The following PRSS12 variants were observed in gnomAD, a reference collection of about 807,000 sequenced individuals.
PRSS12 encodes the protein neurotrypsin.
A neutral mutation model predicts 104.4 loss-of-function variants in PRSS12; 85 were observed. The observed-to-expected ratio is 0.81, with a 90% confidence interval of 0.68 to 0.98. The LOEUF is 0.98. PRSS12 is among the 50% of genes least tolerant of loss of function. PRSS12 has a pLI of 0.00. For synonymous variants in PRSS12, 454 were observed against 425.2 expected (o/e 1.07, Z -0.83); for missense variants, 1,141 against 1,139.2 (o/e 1.00, Z -0.02).
At chr4:118,286,782 C>A (rs563868859) in intron 11 of PRSS12, among the ~76,000 whole-genome samples, 5 of 152,222 alleles carry the variant, frequency 3.3e-5, no homozygotes, top group African/African-American at 4.8e-5. Flanking sequence ...CCTATAAAAA[C>A]CCCATGAAAA....
At chr4:118,282,724 C>A in intron 12 of PRSS12, 107 bp downstream of exon 12, 1 of 1,511,994 alleles carries the variant, frequency 6.6e-7, no homozygotes, top group Non-Finnish European at 9.1e-7. Context: ...CAAAATTTCT[C>A]CAAATAAGTC....
At chr4:118,288,387 T>C (rs1233578255) in intron 11 of PRSS12, among the ~76,000 whole-genome samples, 2 of 152,228 alleles carry the variant, frequency 1.3e-5, no homozygotes, top group Admixed American at 6.5e-5. Context: ...CCATATACTA[T>C]GTCATGATGA....
Position 118,282,821 on chromosome 4 carries a change from T to A in PRSS12, c.2320+10A>T. On this transcript the variant is annotated intron_variant, in intron 12 of 12. Transcript: ENST00000296498. Reference sequence around the variant, plus strand: ...AAAAAGGTGCCCTGCTTTTTTTGATTATGCCTTACCTGTGTCACCCCATCC... The same window carrying A: ...AAAAAGGTGCCCTGCTTTTTTTGATAATGCCTTACCTGTGTCACCCCATCC... 1 of 1,614,102 alleles carries A rather than the reference T, an allele frequency of 6.2e-7. No homozygotes were observed. The highest frequency in any genetic ancestry group is 8.5e-7 in the Non-Finnish European group (1 of 1,180,018).
intron 11 of PRSS12, among the ~76,000 whole-genome samples, chr4:118,285,894 T>C (rs1272905085): frequency 6.6e-6 from 1 of 152,200 alleles, no homozygotes; most frequent in Non-Finnish European, 1.5e-5. Flanking sequence ...AAGAAACAGC[T>C]GTGACGCTTG....
intron 4 of PRSS12, among the ~76,000 whole-genome samples, chr4:118,323,845 T>C (rs1723696175): frequency 6.6e-6 from 1 of 151,632 alleles, no homozygotes; most frequent in Non-Finnish European, 1.5e-5. Flanking sequence ...GCACACACAT[T>C]TCAGTTACAG....
chr4:118,342,782 C>T (rs1470462665), intron 1 of PRSS12, among the ~76,000 whole-genome samples: 5 of 152,152 alleles, frequency 3.3e-5, no homozygotes, highest in Non-Finnish European at 7.3e-5. Context: ...GTTCAGAATT[C>T]TACTATCTTA....
chr4:118,309,319 A>G (rs113819058), intron 7 of PRSS12, among the ~76,000 whole-genome samples: 3 of 152,322 alleles, frequency 2.0e-5, no homozygotes, highest in African/African-American at 7.2e-5. Flanking sequence ...CCTCACTGTG[A>G]CTTGCATGGG....
chr4:118,335,454 A>G lies in PRSS12; in HGVS notation c.820+19T>C. The G allele has an allele frequency of 6.2e-7, 1 of 1,610,568 alleles. No homozygotes were observed. The stretch of plus-strand genomic sequence containing the variant: ...AACATAATGAAAGTAAAACAACAGA[A>G]CTTTTTTCTTTTTTTTACCATGGGA... On this transcript the variant is annotated intron_variant, in intron 3 of 12. Transcript: ENST00000296498.
intron 7 of PRSS12, among the ~76,000 whole-genome samples, chr4:118,311,301 C>T (rs1044721359): frequency 1.3e-5 from 2 of 152,060 alleles, no homozygotes; most frequent in Non-Finnish European, 2.9e-5. Context: ...TTTCACCTAC[C>T]ACAGACCCAA....
At position 118,352,977 on chromosome 4, in the gene PRSS12, C is replaced by G. The variant is rs1017567226; in HGVS notation, c.-257G>C. ...GCCGAGCCCCGGCCGGCGGAGAGGACCGGAAAAGAGAAGGCGCGGACGCAG... is the reference window on the plus strand; with the variant it reads ...GCCGAGCCCCGGCCGGCGGAGAGGAGCGGAAAAGAGAAGGCGCGGACGCAG... On this transcript the variant is annotated 5_prime_UTR_variant, in exon 1 of 13. Coordinates refer to ENST00000296498, the MANE Select transcript of PRSS12 (RefSeq NM_003619.4). 6 of 940,966 alleles carry G rather than the reference C, an allele frequency of 6.4e-6. No individual in the cohort carries two copies. Among genetic ancestry groups the G allele is most frequent in the Non-Finnish European group, 5.8e-6 (4 of 693,510 alleles). 58.3% of individuals were successfully genotyped at this position (940,966 alleles called of 1,614,324 possible).
intron 11 of PRSS12, among the ~76,000 whole-genome samples, chr4:118,294,717 T>C (rs1743214059): frequency 6.6e-6 from 1 of 152,168 alleles, no homozygotes; most frequent in African/African-American, 2.4e-5. Context: ...TGTTCTTCTA[T>C]TCTCCCTAAA....
At chr4:118,343,826 A>G (rs1324531013) in intron 1 of PRSS12, among the ~76,000 whole-genome samples, 1 of 152,214 alleles carries the variant, frequency 6.6e-6, no homozygotes, top group Non-Finnish European at 1.5e-5. Flanking sequence ...GCATTCCTTA[A>G]TTTAAAGAGA....
intron 11 of PRSS12, among the ~76,000 whole-genome samples, chr4:118,294,677 T>A (rs1055462289): frequency 2.6e-4 from 40 of 152,156 alleles, no homozygotes; most frequent in African/African-American, 8.7e-4. Flanking sequence ...GGGGGAGCAC[T>A]GACATTGCTG....
At chr4:118,335,355 C>G in intron 3 of PRSS12, 118 bp downstream of exon 3, 19 of 1,216,720 alleles carry the variant, frequency 1.6e-5, no homozygotes, top group Non-Finnish European at 2.2e-5. Context: ...TTGACTCAGA[C>G]TTATTTCTGT....
intron 4 of PRSS12, among the ~76,000 whole-genome samples, chr4:118,328,107 A>G (rs788654): frequency 0.85 from 129,225 of 152,196 alleles, 57,235 homozygotes; most frequent in East Asian, 1. Flanking sequence ...ATTAAAAAAC[A>G]ATCCTCATCT....
intron 2 of PRSS12, among the ~76,000 whole-genome samples, chr4:118,337,166 A>T (rs985064365): frequency 2.0e-5 from 3 of 152,236 alleles, no homozygotes; most frequent in African/African-American, 4.8e-5. Flanking sequence ...CTGGTAAATT[A>T]AAGTTCTACT....
At chr4:118,309,895 T>C (rs1255785822) in intron 7 of PRSS12, among the ~76,000 whole-genome samples, 3 of 152,312 alleles carry the variant, frequency 2.0e-5, no homozygotes, top group East Asian at 3.9e-4. Context: ...TTCTGACCCA[T>C]TTTTTACTTC....
intron 1 of PRSS12, among the ~76,000 whole-genome samples, chr4:118,347,446 CA>C (rs1243690801): frequency 6.6e-6 from 1 of 152,104 alleles, no homozygotes; most frequent in African/African-American, 2.4e-5. Context: ...CATGACAAGA[CA>C]AAAAGTCAGA....
rs1724551451 is a variant in PRSS12 at position 118,352,646 on chromosome 4, G to C, written c.75C>G (p.Leu25=). ...GGTGGCTGTGGTGGAGGGAATCATT[G>C]AGGACAGAATCAAAGCCGACCACTT... The part of the protein sequence containing the change: ...LPEVVGFDSV[L]NDSLHHSHRH... Residue 25 remains leucine (L), a synonymous_variant, in exon 1 of 13, where the codon CTC becomes CTG. Transcript: ENST00000296498. The C allele has an allele frequency of 6.8e-6, 11 of 1,613,180 alleles. No individual in the cohort carries two copies. Among genetic ancestry groups the C allele is most frequent in the African/African-American group, 1.3e-5 (1 of 74,904 alleles).
Sources: gnomAD v4.1 joint callset for allele counts (sites outside exome capture counted in the v4.1 genomes callset) on GRCh38, gnomAD v4.1.1 for gene constraint, MANE v1.5 for transcripts, NCBI Gene and HGNC (gene_info 2026-07-23, HGNC 2026-07-21) for gene names.